SNX29: variants seen among roughly 807,000 people sequenced by gnomAD.
SNX29 encodes sorting nexin-29.
Under a neutral mutation model 102.1 loss-of-function variants are expected in SNX29, and 78 were observed. The observed-to-expected ratio is 0.76, with a 90% CI of 0.64 to 0.92. SNX29 has a LOEUF of 0.92. Ranked by LOEUF, SNX29 falls within the 40% of genes least tolerant of loss-of-function variation. The pLI, the probability that SNX29 is intolerant of heterozygous loss-of-function variation, is 0.00. For missense variants in SNX29, 1,280 were observed against 1,061.7 expected (o/e 1.21, Z -2.86); for synonymous variants, 580 against 414.5 (o/e 1.40, Z -4.85).
intron 10 of SNX29, among the ~76,000 whole-genome samples, chr16:12,070,446 C>T (rs1050458301): frequency 1.3e-4 from 20 of 150,516 alleles, no homozygotes; most frequent in East Asian, 3.9e-4. Flanking sequence ...TTTGTCCTTG[C>T]GATAGTTTAC....
chr16:12,486,403 A>G (rs949091949), intron 19 of SNX29, among the ~76,000 whole-genome samples: 5 of 151,916 alleles, frequency 3.3e-5, no homozygotes, highest in African/African-American at 4.8e-5. Flanking sequence ...GGTGGGCCTC[A>G]TCCTGCCTAC....
intron 15 of SNX29, among the ~76,000 whole-genome samples, chr16:12,348,139 G>C (rs1298472799): frequency 1.3e-5 from 2 of 152,156 alleles, no homozygotes; most frequent in South Asian, 4.1e-4. Flanking sequence ...CTTTACACAA[G>C]GTCATCCAGC....
intron 11 of SNX29, among the ~76,000 whole-genome samples, chr16:12,106,096 AG>A (rs1401870806): frequency 2.0e-5 from 3 of 152,196 alleles, no homozygotes; most frequent in Admixed American, 6.5e-5. Context: ...AGATTGTCAC[AG>A]CTTAATGATA....
chr16:12,058,163 A>G (rs2050596993), intron 8 of SNX29, among the ~76,000 whole-genome samples: 1 of 152,160 alleles, frequency 6.6e-6, no homozygotes, highest in Admixed American at 6.5e-5. Context: ...AAAAAACTCA[A>G]CATTTTGCTT....
chr16:12,548,663 CAAG>C (rs1340552839), intron 20 of SNX29, among the ~76,000 whole-genome samples: 3 of 152,186 alleles, frequency 2.0e-5, no homozygotes, highest in African/African-American at 7.2e-5. Flanking sequence ...GTCAACTCAG[CAAG>C]AAGTGAAGTT....
chr16:12,290,095 C>G lies in SNX29; in HGVS notation c.1782+12059C>G, dbSNP rs540372285. On this transcript the variant is annotated intron_variant, in intron 15 of 20. Coordinates refer to ENST00000566228, the MANE Select transcript of SNX29 (RefSeq NM_032167.5). ...CGGGCAATGACAAACTACTCTGGGCCCAGTCTACTTGGGCCATTTCTTTTT... is the reference window on the plus strand; with the variant it reads ...CGGGCAATGACAAACTACTCTGGGCGCAGTCTACTTGGGCCATTTCTTTTT... 2.0e-5 allele frequency among the ~76,000 whole-genome samples: 3 copies of G among 152,200 alleles called. No homozygotes were observed. In the East Asian group the frequency reaches 5.8e-4, roughly 29 times the overall value.
intron 18 of SNX29, among the ~76,000 whole-genome samples, chr16:12,407,980 G>C (rs1445687779): frequency 6.6e-6 from 1 of 152,080 alleles, no homozygotes; most frequent in East Asian, 1.9e-4. Flanking sequence ...AACACAGTGA[G>C]ACCCTGTCTC....
At chr16:12,543,902 C>T (rs911622021) in intron 20 of SNX29, among the ~76,000 whole-genome samples, 13 of 152,206 alleles carry the variant, frequency 8.5e-5, no homozygotes, top group Non-Finnish European at 1.2e-4. Context: ...TTCCTTCATC[C>T]TGGATTGCCG....
At chr16:12,206,814 G>GTT (rs71139583) in intron 14 of SNX29, among the ~76,000 whole-genome samples, 2,133 of 121,588 alleles carry the variant, frequency 0.018, 72 homozygotes, top group African/African-American at 0.058. Flanking sequence ...GAATGAGGTG[G>GTT]TTTTTTTTTT....
chr16:12,498,448 G>A (rs900487166), intron 19 of SNX29, among the ~76,000 whole-genome samples: 1 of 152,212 alleles, frequency 6.6e-6, no homozygotes, highest in Non-Finnish European at 1.5e-5. Flanking sequence ...ATGACCAGTA[G>A]CAGGAGACGC....
chr16:12,263,153 A>G (rs895925019), intron 14 of SNX29, among the ~76,000 whole-genome samples: 6 of 142,688 alleles, frequency 4.2e-5, no homozygotes, highest in African/African-American at 1.6e-4. Context: ...TTTTTTTGAG[A>G]CAGGATCTCA....
intron 1 of SNX29, among the ~76,000 whole-genome samples, chr16:11,994,860 T>C (rs986280800): frequency 1.3e-5 from 2 of 152,128 alleles, no homozygotes; most frequent in African/African-American, 4.8e-5. Flanking sequence ...CTCCATAGAC[T>C]GTAGAGCTGG....
At chr16:12,213,835 G>T (rs576716756) in intron 14 of SNX29, among the ~76,000 whole-genome samples, 2 of 152,312 alleles carry the variant, frequency 1.3e-5, no homozygotes, top group South Asian at 2.1e-4. Context: ...TGCAAGGTGG[G>T]CTGGGAGACG....
intron 13 of SNX29, among the ~76,000 whole-genome samples, chr16:12,197,920 G>T (rs1306662956): frequency 2.0e-5 from 3 of 151,936 alleles, no homozygotes; most frequent in Non-Finnish European, 4.4e-5. Context: ...TGTTGCCGTG[G>T]GCTGAGAAGT....
chr16:12,515,617 C>T (rs1286992559), intron 19 of SNX29: 2 of 487,324 alleles, frequency 4.1e-6, no homozygotes, highest in Non-Finnish European at 8.2e-6. Context: ...CACCTCCTCC[C>T]AGGTGCCTTC....
intron 14 of SNX29, among the ~76,000 whole-genome samples, chr16:12,219,130 C>A (rs1446106108): frequency 6.6e-6 from 1 of 152,154 alleles, no homozygotes; most frequent in African/African-American, 2.4e-5. Context: ...CTCCTTATAT[C>A]CTGGGGCCTT....
intron 14 of SNX29, among the ~76,000 whole-genome samples, chr16:12,253,236 T>TTTCA (rs1216116564): frequency 3.3e-5 from 5 of 152,152 alleles, no homozygotes; most frequent in Admixed American, 2.0e-4. Context: ...GATGTAGATC[T>TTTCA]TTCATTCATT....
intron 19 of SNX29, among the ~76,000 whole-genome samples, chr16:12,488,508 T>G (rs1266839353): frequency 2.0e-5 from 3 of 152,206 alleles, no homozygotes; most frequent in African/African-American, 7.2e-5. Context: ...CTTGAGTCTT[T>G]GCCTTCTTGG....
intron 16 of SNX29, chr16:12,373,051 C>T (rs1012353302): frequency 6.6e-6 from 1 of 152,210 alleles, no homozygotes; most frequent in Non-Finnish European, 1.5e-5. Flanking sequence ...CCCAAGTCTC[C>T]ATGTCCCCAT....
Sources: allele counts gnomAD v4.1 joint callset (sites outside exome capture counted in the v4.1 genomes callset), GRCh38; gene constraint gnomAD v4.1.1; transcripts MANE v1.5; gene names NCBI Gene and HGNC (gene_info 2026-07-23, HGNC 2026-07-21).